The following VPS37A variants were observed in gnomAD, a reference collection of about 807,000 sequenced individuals.
VPS37A encodes the protein VPS37A subunit of ESCRT-I, also known as vacuolar protein sorting-associated protein 37A.
Under a neutral mutation model 49.8 loss-of-function variants are expected in VPS37A, and 30 were observed. That is an observed-to-expected ratio of 0.60 (90% CI 0.45 to 0.82). The LOEUF (loss-of-function observed/expected upper bound fraction) is 0.82. Ranked by LOEUF, VPS37A falls within the 40% of genes least tolerant of loss-of-function variation. VPS37A has a pLI of 0.00. For synonymous variants in VPS37A, 195 were observed against 160.6 expected, an observed-to-expected ratio of 1.21 and a Z score of -1.62; for missense variants, 593 against 464.4, an observed-to-expected ratio of 1.28 and a Z score of -2.55.
chr8:17,316,293 A>G, the VPS37A span, among the ~76,000 whole-genome samples: 1 of 151,934 alleles, frequency 6.6e-6, no homozygotes, highest in Non-Finnish European at 1.5e-5. Context: ...ATTTACATAT[A>G]TATTATAGTC....
the VPS37A span, among the ~76,000 whole-genome samples, chr8:17,329,086 A>C: frequency 1.3e-5 from 2 of 152,344 alleles, no homozygotes; most frequent in South Asian, 4.1e-4. Flanking sequence ...GATTATATCC[A>C]TAACAGTAGT....
chr8:17,289,512 A>G (rs918684214), intron 11 of VPS37A, among the ~76,000 whole-genome samples: 1 of 151,950 alleles, frequency 6.6e-6, no homozygotes, highest in Non-Finnish European at 1.5e-5. Flanking sequence ...ATGGTTGTAG[A>G]TGTGTGGTGT....
the VPS37A span, among the ~76,000 whole-genome samples, chr8:17,319,401 G>A: frequency 6.6e-6 from 1 of 152,188 alleles, no homozygotes; most frequent in African/African-American, 2.4e-5. Flanking sequence ...GGAGGAAGGA[G>A]CTGTTAGACT....
intron 1 of VPS37A, among the ~76,000 whole-genome samples, chr8:17,261,737 G>A (rs1037913609): frequency 3.3e-5 from 5 of 152,192 alleles, no homozygotes; most frequent in Admixed American, 1.3e-4. Flanking sequence ...TAATGGGGGA[G>A]CTCCCAAAGG....
chr8:17,264,056 G>A (rs1813215339), intron 1 of VPS37A, among the ~76,000 whole-genome samples: 1 of 152,170 alleles, frequency 6.6e-6, no homozygotes, highest in African/African-American at 2.4e-5. Flanking sequence ...GCCTGGTACT[G>A]TGTTGGGGGA....
At chr8:17,255,686 A>G (rs1197038145) in intron 1 of VPS37A, among the ~76,000 whole-genome samples, 2 of 152,190 alleles carry the variant, frequency 1.3e-5, no homozygotes, top group Non-Finnish European at 2.9e-5. Flanking sequence ...TAAACTCACT[A>G]ATTAATTTCA....
downstream of VPS37A, chr8:17,300,122 T>A: frequency 1.2e-6 from 2 of 1,614,172 alleles, no homozygotes; most frequent in Non-Finnish European, 1.7e-6. Context: ...GTGTTGGCTA[T>A]GCTGTTGTCT....
downstream of VPS37A, among the ~76,000 whole-genome samples, chr8:17,303,538 C>T (rs551977645): frequency 1.1e-4 from 16 of 151,844 alleles, no homozygotes; most frequent in South Asian, 2.1e-4. Context: ...AAAAAACATA[C>T]GTATCTAGCA....
chr8:17,311,836 C>T, the VPS37A span: 1 of 708,178 alleles, frequency 1.4e-6, no homozygotes, highest in South Asian at 1.8e-5. Context: ...TTTCCCTTCC[C>T]ATTCTATCCA....
At chr8:17,248,824 A>T (rs1811711870) in intron 1 of VPS37A, among the ~76,000 whole-genome samples, 1 of 152,196 alleles carries the variant, frequency 6.6e-6, no homozygotes, top group Non-Finnish European at 1.5e-5. Context: ...ATGCTGTTTA[A>T]CAGAAAAGAA....
intron 9 of VPS37A, among the ~76,000 whole-genome samples, chr8:17,281,455 A>C (rs1044543351): frequency 1.3e-5 from 2 of 152,050 alleles, no homozygotes; most frequent in South Asian, 4.1e-4. Flanking sequence ...ATAGTACTCA[A>C]CATCATTCTT....
chr8:17,252,625 C>T (rs914855816), intron 1 of VPS37A, among the ~76,000 whole-genome samples: 24 of 152,188 alleles, frequency 1.6e-4, no homozygotes, highest in Admixed American at 1.6e-3. Context: ...TTCCACATAG[C>T]AACATTTGCT....
At chr8:17,248,250 G>A in intron 1 of VPS37A, 2 of 437,338 alleles carry the variant, frequency 4.6e-6, no homozygotes, top group Non-Finnish European at 9.0e-6. Flanking sequence ...ACATTGTTAA[G>A]TCCCTAACCC....
downstream of VPS37A, among the ~76,000 whole-genome samples, chr8:17,304,900 A>G (rs1337589618): frequency 6.6e-6 from 1 of 152,136 alleles, no homozygotes; most frequent in Non-Finnish European, 1.5e-5. Context: ...GCTCTGTCTA[A>G]TTTACAGATG....
At position 17,274,729 on chromosome 8, in the gene VPS37A, T is replaced by C; in HGVS notation, c.417-4T>C. The C allele has an allele frequency of 6.2e-7, 1 of 1,605,792 alleles. No individual in the cohort carries two copies. Among genetic ancestry groups the C allele is most frequent in the Non-Finnish European group, 8.5e-7 (1 of 1,174,346 alleles). ...ATGTAATGATCTTCTCTTTTTCTTTTCAGTCTATACAGTAACCCAAGTGGG... is the reference window on the plus strand; with the variant it reads ...ATGTAATGATCTTCTCTTTTTCTTTCCAGTCTATACAGTAACCCAAGTGGG... On this transcript the variant is annotated splice_polypyrimidine_tract_variant and splice_region_variant and intron_variant, in intron 4 of 11. Transcript: ENST00000324849.
chr8:17,326,350 G>C, the VPS37A span: 5 of 152,136 alleles, frequency 3.3e-5, no homozygotes, highest in Non-Finnish European at 7.4e-5. Context: ...AGTAAATACA[G>C]CTTAAAAAAT....
rs957587784 is a variant in VPS37A at position 17,247,521 on chromosome 8, C to T, written c.125+152C>T. The T allele has an allele frequency of 2.8e-6, 3 of 1,081,154 alleles. No homozygotes were observed. In the East Asian group the frequency reaches 7.8e-5, roughly 28 times the overall value. 67.0% of individuals were successfully genotyped at this position (1,081,154 alleles called of 1,614,324 possible). On this transcript the variant is annotated intron_variant, in intron 1 of 11. Coordinates refer to ENST00000324849, the MANE Select transcript of VPS37A (RefSeq NM_152415.3). ...TGGGTCACACGCTTGCTCTGCCACT[C>T]CTGCCCCCTTTTACTGTTTTCCTCC...
chr8:17,286,274 C>A, intron 10 of VPS37A, 73 bp from the exon 11 acceptor site: 3 of 1,193,212 alleles, frequency 2.5e-6, no homozygotes, highest in South Asian at 1.4e-5. Flanking sequence ...AGCTTCCTGT[C>A]ATACTGTTGG....
intron 11 of VPS37A, among the ~76,000 whole-genome samples, chr8:17,290,681 T>C (rs945188726): frequency 2.2e-4 from 33 of 152,224 alleles, no homozygotes; most frequent in Non-Finnish European, 1.2e-4. Context: ...ATCAGGATGA[T>C]GCTGGCCTCA....
Sources: allele counts gnomAD v4.1 joint callset (sites outside exome capture counted in the v4.1 genomes callset), GRCh38; gene constraint gnomAD v4.1.1; transcripts MANE v1.5; gene names NCBI Gene and HGNC (gene_info 2026-07-23, HGNC 2026-07-21).